COL12A1: variants seen among roughly 807,000 people sequenced by gnomAD.
The protein encoded by COL12A1 is collagen alpha-1(XII) chain.
COL12A1 carries 114 observed loss-of-function variants against 349.7 expected under a neutral mutation model. That is an observed-to-expected ratio of 0.33 (90% CI 0.28 to 0.38). The LOEUF is 0.38. Ranked by LOEUF, COL12A1 falls within the 10% of genes least tolerant of loss-of-function variation. COL12A1 has a pLI of 1.00. For missense variants in COL12A1, 3,284 were observed against 3,756.9 expected (o/e 0.87, Z 3.29); for synonymous variants, 1,369 against 1,329.0 (o/e 1.03, Z -0.66).
chr6:75,174,889 G>T, intron 13 of COL12A1, 149 bp downstream of exon 13: 2 of 929,978 alleles, frequency 2.2e-6, no homozygotes, highest in Non-Finnish European at 3.2e-6. Flanking sequence ...ATAACAGAGA[G>T]CTTTATGGTT....
chr6:75,108,992 A>G (rs753587085), intron 52 of COL12A1, 26 bp downstream of exon 52: 1 of 1,600,810 alleles, frequency 6.2e-7, no homozygotes, highest in African/African-American at 1.4e-5. Context: ...ACAAGGTACC[A>G]AGAGAAATAA....
In COL12A1 at chr6:75,109,021, G is replaced by A. The variant is rs367966608; in HGVS notation, c.8097C>T (p.Ala2699=). The change falls in exon 52 of 66, where the codon GCC becomes GCT. Residue 2699 remains alanine (A), a synonymous_variant. Transcript: ENST00000322507. ...GAAATAAAAATGTGTTACTCACTGC[G>A]GCTGATTTCCTTTCCCCTTTAAGGA... ...GKLLKGERKS[A]AFQIQSFDIV... The A allele has an allele frequency of 1.8e-5, 29 of 1,610,820 alleles. No homozygotes were observed. Among genetic ancestry groups the A allele is most frequent in the Middle Eastern group, 1.7e-4 (1 of 6,042 alleles).
intron 13 of COL12A1, among the ~76,000 whole-genome samples, chr6:75,174,413 A>G (rs1017215180): frequency 2.0e-5 from 3 of 152,102 alleles, no homozygotes; most frequent in Non-Finnish European, 4.4e-5. Flanking sequence ...AAAATTAGCC[A>G]GGCGTGGTGG....
Position 75,174,916 on chromosome 6 carries a change from GGATT to G in COL12A1, c.2710+118_2710+121del, listed in dbSNP as rs1768835712. ...TTTATGGTTATTTGTTTTTCAATAT[GGATT>G]CTTTTTAAGAGAAAGGATTGCACAC... is the stretch of plus-strand genomic sequence containing the variant. On this transcript the variant is annotated intron_variant, in intron 13 of 65. Coordinates refer to ENST00000322507, the MANE Select transcript of COL12A1 (RefSeq NM_004370.6). The G allele has an allele frequency of 2.7e-6, 3 of 1,113,894 alleles. No individual in the cohort carries two copies. The Admixed American group carries it at 7.5e-5, about 28-fold the overall frequency. 69.0% of individuals were successfully genotyped at this position (1,113,894 alleles called of 1,614,324 possible). A position where few individuals can be genotyped will look rare whatever the true frequency, so the allele number is the denominator to read the frequency against.
At chr6:75,086,645 AAAG>A in intron 65 of COL12A1, 88 bp from the exon 66 acceptor site, 1 of 603,070 alleles carries the variant, frequency 1.7e-6, no homozygotes, top group East Asian at 4.3e-5. Flanking sequence ...TGTAATGGTT[AAAG>A]TATATATATA....
At chr6:75,094,832 G>A (rs1562099198) in intron 60 of COL12A1, among the ~76,000 whole-genome samples, 2 of 152,278 alleles carry the variant, frequency 1.3e-5, no homozygotes, top group East Asian at 3.9e-4. Flanking sequence ...AGCTCTGAGT[G>A]TTTATACAGC....
At chr6:75,156,981 A>G (rs1767800032) in intron 14 of COL12A1, among the ~76,000 whole-genome samples, 1 of 152,190 alleles carries the variant, frequency 6.6e-6, no homozygotes, top group South Asian at 2.1e-4. Flanking sequence ...ACTGTAGTTA[A>G]CACCATTCTT....
At chr6:75,119,309 C>A in intron 45 of COL12A1, 41 bp downstream of exon 45, 2 of 1,605,378 alleles carry the variant, frequency 1.2e-6, no homozygotes, top group Non-Finnish European at 8.5e-7. Flanking sequence ...AGTTCTGCCA[C>A]TACAAATGCT....
intron 21 of COL12A1, among the ~76,000 whole-genome samples, chr6:75,150,787 T>C (rs1221505877): frequency 5.3e-5 from 8 of 152,100 alleles, no homozygotes; most frequent in Non-Finnish European, 2.9e-5. Context: ...TATATATATG[T>C]TGTGTGGGGG....
chr6:75,123,303 A>C lies in COL12A1; in HGVS notation c.6946+27T>G, dbSNP rs186886315. On this transcript the variant is annotated intron_variant, in intron 43 of 65. Transcript: ENST00000322507. ...AAGTCTGTAACTCCCTATCAGCTGAACGTATTGCCTATTTAGCTGTACTTA... is the reference window on the plus strand; with the variant it reads ...AAGTCTGTAACTCCCTATCAGCTGACCGTATTGCCTATTTAGCTGTACTTA... 5.3e-4 allele frequency: 844 copies of C among 1,588,914 alleles called. 4 individuals are homozygous for C. The African/African-American group carries it at 9.8e-3, about 18-fold the overall frequency.
intron 43 of COL12A1, 53 bp downstream of exon 43, chr6:75,123,274 TAAG>T (rs1765835814): frequency 1.4e-6 from 2 of 1,408,652 alleles, no homozygotes. Context: ...GCAGCGTAAA[TAAG>T]AAGTCTGTAA....
chr6:75,189,132 T>G, intron 7 of COL12A1, 85 bp downstream of exon 7: 1 of 1,410,474 alleles, frequency 7.1e-7, no homozygotes, highest in South Asian at 1.4e-5. Flanking sequence ...GCATCCTTCC[T>G]TGAGGAATCA....
At chr6:75,101,886 G>A in intron 57 of COL12A1, 113 bp downstream of exon 57, 1 of 1,208,442 alleles carries the variant, frequency 8.3e-7, no homozygotes, top group Admixed American at 1.9e-5. Flanking sequence ...GAAATGAGGT[G>A]AAACACATAT....
intron 31 of COL12A1, among the ~76,000 whole-genome samples, chr6:75,135,219 C>T (rs1486641852): frequency 3.9e-5 from 6 of 152,116 alleles, no homozygotes; most frequent in Non-Finnish European, 8.8e-5. Flanking sequence ...GAAACAATTG[C>T]ATAATTTTAG....
At chr6:75,176,779 A>C (rs1768981527) in intron 12 of COL12A1, among the ~76,000 whole-genome samples, 1 of 152,224 alleles carries the variant, frequency 6.6e-6, no homozygotes, top group African/African-American at 2.4e-5. Flanking sequence ...CTGACACCAG[A>C]CAGGTACTCA....
In COL12A1 at chr6:75,175,154, G is replaced by T. The variant is rs1768862517; in HGVS notation, c.2594C>A (p.Thr865Lys). 2 of 1,614,076 alleles carry T rather than the reference G, an allele frequency of 1.2e-6. No homozygotes were observed. The highest frequency in any genetic ancestry group is 2.7e-5 in the African/African-American group (2 of 74,924). The change falls in exon 13 of 66, where the codon ACA becomes AAA. Residue 865 changes from threonine to lysine, a missense_variant. By Grantham distance (78) the Thr-to-Lys change is moderately conservative (BLOSUM62 -1). Coordinates refer to ENST00000322507, the MANE Select transcript of COL12A1 (RefSeq NM_004370.6). ...CAATCCCTGCAGCACCGTATTGGTTGTATCTCCCCTCACAGTGACCTCTTG... is the reference window on the plus strand; with the variant it reads ...CAATCCCTGCAGCACCGTATTGGTTTTATCTCCCCTCACAGTGACCTCTTG... ...ETQEVTVRGD[T>K]TNTVLQGLKE...
intron 8 of COL12A1, among the ~76,000 whole-genome samples, 177 bp from the exon 9 acceptor site, chr6:75,184,321 G>A (rs959448160): frequency 1.3e-5 from 2 of 152,140 alleles, no homozygotes; most frequent in Non-Finnish European, 2.9e-5. Context: ...ACCAAAAGTG[G>A]TTCAACACTT....
chr6:75,204,490 T>G (rs1005283248), intron 1 of COL12A1, among the ~76,000 whole-genome samples: 2 of 152,162 alleles, frequency 1.3e-5, no homozygotes, highest in African/African-American at 2.4e-5. Flanking sequence ...CAGCCAAGCA[T>G]CCCGTCAATA....
intron 10 of COL12A1, among the ~76,000 whole-genome samples, chr6:75,181,713 A>G (rs1769303664): frequency 6.6e-6 from 1 of 152,194 alleles, no homozygotes; most frequent in Non-Finnish European, 1.5e-5. Flanking sequence ...AGAAAGAGAC[A>G]ATGTTTAACA....
Sources: gnomAD v4.1 joint callset for allele counts (sites outside exome capture counted in the v4.1 genomes callset) on GRCh38, gnomAD v4.1.1 for gene constraint, MANE v1.5 for transcripts, NCBI Gene and HGNC (gene_info 2026-07-23, HGNC 2026-07-21) for gene names.